Variants in PHACTR1 observed in about 807,000 individuals in gnomAD.
The protein encoded by PHACTR1 is phosphatase and actin regulator 1, also known as RPEL repeat containing 1.
In PHACTR1, 16 loss-of-function variants were observed where a neutral mutation model predicts 69.2. That is an observed-to-expected ratio of 0.23 (90% CI 0.16 to 0.35). PHACTR1 has a LOEUF of 0.35. Ranked by LOEUF, PHACTR1 falls within the 10% of genes least tolerant of loss-of-function variation. The pLI is 1.00. For synonymous variants in PHACTR1, 312 were observed against 284.5 expected (o/e 1.10, Z -0.97); for missense variants, 510 against 734.7 (o/e 0.69, Z 3.54).
rs191251238 is a variant in PHACTR1, at chr6:13,163,458, C to T, written c.496+3174C>T. 3.3e-5 allele frequency among the ~76,000 whole-genome samples: 5 copies of T among 152,268 alleles called. No individual in the cohort carries two copies. The East Asian group carries it at 7.7e-4, about 24-fold the overall frequency. On this transcript the variant is annotated intron_variant, in intron 6 of 14. Transcript: ENST00000332995. Reference sequence around the variant, plus strand: ...AGGAGAGCAGGGGCCTCAGAGGCTGCGATTCCCCAAGCCCCAAATCATGTC... The same window carrying T: ...AGGAGAGCAGGGGCCTCAGAGGCTGTGATTCCCCAAGCCCCAAATCATGTC...
chr6:13,072,803 T>C (rs1210312122), intron 5 of PHACTR1, among the ~76,000 whole-genome samples: 1 of 152,178 alleles, frequency 6.6e-6, no homozygotes, highest in Non-Finnish European at 1.5e-5. Context: ...TATGGGCCCT[T>C]GCTTTCCAAA....
chr6:12,949,042 G>A (rs1276238583), intron 4 of PHACTR1, among the ~76,000 whole-genome samples: 4 of 151,968 alleles, frequency 2.6e-5, no homozygotes, highest in Non-Finnish European at 5.9e-5. Context: ...AGGCCGAGGC[G>A]GGCAGATCAC....
intron 3 of PHACTR1, among the ~76,000 whole-genome samples, chr6:12,721,367 G>C (rs1561815409): frequency 6.7e-6 from 1 of 150,244 alleles, no homozygotes; most frequent in South Asian, 2.1e-4. Flanking sequence ...CTGGGTGACA[G>C]AGTGAGATTC....
At chr6:12,729,520 C>T (rs1181166632) in intron 3 of PHACTR1, among the ~76,000 whole-genome samples, 1 of 152,112 alleles carries the variant, frequency 6.6e-6, no homozygotes, top group Non-Finnish European at 1.5e-5. Flanking sequence ...TAGACTCTGC[C>T]TAGGCTGACA....
At chr6:13,229,629 G>A (rs771383627) in intron 9 of PHACTR1, among the ~76,000 whole-genome samples, 4 of 152,004 alleles carry the variant, frequency 2.6e-5, no homozygotes, top group Non-Finnish European at 4.4e-5. Flanking sequence ...ACAGATCCCC[G>A]CCCACCTGCT....
intron 6 of PHACTR1, among the ~76,000 whole-genome samples, chr6:13,161,424 G>C (rs1237853368): frequency 2.0e-5 from 3 of 152,042 alleles, no homozygotes; most frequent in African/African-American, 7.2e-5. Context: ...TGAAATAACA[G>C]ACTGTCACTT....
Position 13,275,600 on chromosome 6 carries a change from A to G in PHACTR1, c.1448-2668A>G, listed in dbSNP as rs968117789. 1.3e-5 allele frequency: 2 copies of G among 151,840 alleles called. No individual in the cohort carries two copies. The highest frequency in any genetic ancestry group is 4.9e-5 in the African/African-American group (2 of 41,094). The allele number at this position is 151,840 out of a possible 1,614,324, so 9.4% of individuals were successfully genotyped here. ...TAATGAGGAGGAGAGCCGGCCCCACACAAAACATGACCACAGGAAAAAACC... is the reference window on the plus strand; with the variant it reads ...TAATGAGGAGGAGAGCCGGCCCCACGCAAAACATGACCACAGGAAAAAACC... On this transcript the variant is annotated intron_variant, in intron 11 of 14. Coordinates refer to ENST00000332995, the MANE Select transcript of PHACTR1 (RefSeq NM_030948.6). The surrounding 1 kb of genome is among the most constrained non-coding windows in gnomAD (Gnocchi z 4.0).
chr6:13,240,081 G>A (rs1308106971), intron 10 of PHACTR1, among the ~76,000 whole-genome samples: 1 of 151,468 alleles, frequency 6.6e-6, no homozygotes, highest in African/African-American at 2.4e-5. Context: ...ATTCTTGGAG[G>A]TTGTGAGTCT....
intron 4 of PHACTR1, among the ~76,000 whole-genome samples, chr6:12,887,790 C>T (rs1783782114): frequency 6.6e-6 from 1 of 151,990 alleles, no homozygotes; most frequent in Non-Finnish European, 1.5e-5. Flanking sequence ...TAGTATTGGC[C>T]AGGCACGGTG....
chr6:13,263,238 G>GTTTTTT (rs57164668), intron 10 of PHACTR1, among the ~76,000 whole-genome samples: 16 of 84,264 alleles, frequency 1.9e-4, no homozygotes, highest in Non-Finnish European at 2.6e-4. Flanking sequence ...GGCTTTTAGT[G>GTTTTTT]TTTTTTTTTT....
intron 10 of PHACTR1, among the ~76,000 whole-genome samples, chr6:13,231,103 A>G (rs1770960342): frequency 1.8e-5 from 2 of 113,486 alleles, no homozygotes; most frequent in Admixed American, 9.4e-5. Flanking sequence ...AGGAAGGGAA[A>G]AGAAAGAAGG....
At chr6:13,028,939 G>C (rs1395050451) in intron 4 of PHACTR1, among the ~76,000 whole-genome samples, 2 of 152,268 alleles carry the variant, frequency 1.3e-5, no homozygotes, top group African/African-American at 2.4e-5. Context: ...ATGCTAAGTG[G>C]GGGGAATAAC....
chr6:13,114,437 C>A (rs1034675446), intron 5 of PHACTR1, among the ~76,000 whole-genome samples: 1 of 152,084 alleles, frequency 6.6e-6, no homozygotes, highest in South Asian at 2.1e-4. Flanking sequence ...TCGAGTCAAC[C>A]CTCCTTTCCC....
chr6:12,990,592 AG>A (rs1796708281), intron 4 of PHACTR1, among the ~76,000 whole-genome samples: 1 of 152,202 alleles, frequency 6.6e-6, no homozygotes. Flanking sequence ...CTACAATTTT[AG>A]TTTTTGTAAA....
intron 4 of PHACTR1, among the ~76,000 whole-genome samples, chr6:12,944,680 G>A (rs1562037797): frequency 6.6e-6 from 1 of 152,180 alleles, no homozygotes; most frequent in Non-Finnish European, 1.5e-5. Context: ...TGCAAGCTAG[G>A]TAACGTAGAG....
chr6:13,182,376 T>A (rs576919807), intron 6 of PHACTR1, 143 bp from the exon 7 acceptor site: 1 of 933,774 alleles, frequency 1.1e-6, no homozygotes, highest in African/African-American at 1.6e-5. Context: ...GAAATAAATG[T>A]CTTAAAAGCA....
At chr6:12,762,902 G>A (rs914606468) in intron 4 of PHACTR1, among the ~76,000 whole-genome samples, 3 of 152,060 alleles carry the variant, frequency 2.0e-5, no homozygotes, top group Admixed American at 6.5e-5. Flanking sequence ...GTCAAACCAC[G>A]TCACGACTTG....
At chr6:13,080,135 A>G (rs1236056948) in intron 5 of PHACTR1, among the ~76,000 whole-genome samples, 1 of 152,002 alleles carries the variant, frequency 6.6e-6, no homozygotes, top group Non-Finnish European at 1.5e-5. Flanking sequence ...CTGTCATCCA[A>G]TGTTGTGACA....
chr6:12,850,502 A>G (rs990603720), intron 4 of PHACTR1, among the ~76,000 whole-genome samples: 6 of 152,218 alleles, frequency 3.9e-5, no homozygotes, highest in Non-Finnish European at 7.3e-5. Context: ...TCACTTTAGC[A>G]GAAAATCACT....
Sources: gnomAD v4.1 joint callset for allele counts (sites outside exome capture counted in the v4.1 genomes callset) on GRCh38, gnomAD v4.1.1 for gene constraint, Gnocchi (gnomAD v3.1) non-coding constraint, MANE v1.5 for transcripts, NCBI Gene and HGNC (gene_info 2026-07-23, HGNC 2026-07-21) for gene names.